ASIP: variants seen among roughly 807,000 people sequenced by gnomAD.
The protein encoded by ASIP is agouti signaling protein.
Under a neutral mutation model 10.3 loss-of-function variants are expected in ASIP, and 11 were observed. The ratio of observed to expected loss-of-function variants is 1.07; its 90% CI spans 0.68 to 1.78. The LOEUF is 1.78. ASIP is among the 40% of genes most tolerant of loss of function. The probability of loss-of-function intolerance (pLI) is 0.00; values close to 1 mark genes in which losing one functional copy is unlikely to be tolerated. For missense variants in ASIP, 180 were observed against 169.2 expected (o/e 1.06, Z -0.35); for synonymous variants, 70 against 70.8 (o/e 0.99, Z 0.06).
At chr20:34,218,067 AT>A (rs1185833853) in intron 1 of ASIP, among the ~76,000 whole-genome samples, 1 of 152,214 alleles carries the variant, frequency 6.6e-6, no homozygotes, top group Non-Finnish European at 1.5e-5. Flanking sequence ...TTTGTTCAGC[AT>A]TTGTAATTGT....
At chr20:34,219,584 T>C (rs1028877466) in intron 1 of ASIP, among the ~76,000 whole-genome samples, 1 of 152,244 alleles carries the variant, frequency 6.6e-6, no homozygotes, top group African/African-American at 2.4e-5. Context: ...TTGTTTACTC[T>C]TTCTCTCTCA....
At chr20:34,203,233 T>G (rs892586506) in intron 1 of ASIP, among the ~76,000 whole-genome samples, 3 of 152,170 alleles carry the variant, frequency 2.0e-5, no homozygotes, top group Admixed American at 6.5e-5. Context: ...CTTTACAATA[T>G]TAAATTTTTT....
intron 1 of ASIP, among the ~76,000 whole-genome samples, chr20:34,226,359 C>A (rs1458331828): frequency 6.7e-6 from 1 of 150,174 alleles, no homozygotes; most frequent in East Asian, 2.0e-4. Context: ...TTTTTTTTAA[C>A]TTTTTTATTT....
In ASIP at chr20:34,245,011, T is replaced by A. The variant is rs2035345492; in HGVS notation, c.-11+3522T>A. 2.6e-5 allele frequency among the ~76,000 whole-genome samples: 4 copies of A among 152,050 alleles called. No homozygotes were observed. The South Asian group carries it at 8.3e-4, about 32-fold the overall frequency. On this transcript the variant is annotated intron_variant, in intron 1 of 3. Coordinates refer to ENST00000374954, the MANE Select transcript of ASIP (RefSeq NM_001672.3). ...CAACAAAAATGCTCCACATAAAAAG[T>A]CTACCGGGTTTTTCAAAAAATAAAA...
At chr20:34,199,681 T>A (rs927616730) in intron 1 of ASIP, among the ~76,000 whole-genome samples, 1 of 152,234 alleles carries the variant, frequency 6.6e-6, no homozygotes, top group African/African-American at 2.4e-5. Flanking sequence ...TTTATTGACC[T>A]ATAAGAGTTC....
At chr20:34,201,624 T>A (rs948003011) in intron 1 of ASIP, among the ~76,000 whole-genome samples, 4 of 152,226 alleles carry the variant, frequency 2.6e-5, no homozygotes, top group African/African-American at 9.6e-5. Context: ...TTTGATAGAT[T>A]CGGGTGCGAG....
intron 1 of ASIP, among the ~76,000 whole-genome samples, chr20:34,216,264 C>G (rs983495229): frequency 6.6e-5 from 10 of 152,356 alleles, no homozygotes; most frequent in Admixed American, 2.6e-4. Context: ...CCGCCGCCGC[C>G]GTCGCCGCTG....
intron 1 of ASIP, among the ~76,000 whole-genome samples, chr20:34,235,786 G>GAAAGA (rs1356722931): frequency 3.3e-5 from 2 of 61,392 alleles, no homozygotes; most frequent in South Asian, 1.3e-3. Flanking sequence ...CTCTGAGAAA[G>GAAAGA]AAGAAAGAAA....
intron 1 of ASIP, among the ~76,000 whole-genome samples, chr20:34,199,012 T>A (rs758334031): frequency 4.6e-5 from 7 of 152,126 alleles, no homozygotes; most frequent in Admixed American, 1.3e-4. Context: ...GTTTGGGGGC[T>A]TTATATGTGT....
At chr20:34,190,431 C>A (rs547689173), upstream of ASIP, among the ~76,000 whole-genome samples, 2 of 152,332 alleles carry the variant, frequency 1.3e-5, no homozygotes, top group African/African-American at 4.8e-5. Flanking sequence ...GCCCTTGTCA[C>A]TATTCCCATT....
upstream of ASIP, among the ~76,000 whole-genome samples, chr20:34,190,493 T>C (rs750970334): frequency 2.0e-5 from 3 of 152,208 alleles, no homozygotes; most frequent in Non-Finnish European, 4.4e-5. Context: ...ACGTATATGA[T>C]AATAACACTC....
At chr20:34,209,439 C>A (rs1481688543) in intron 1 of ASIP, among the ~76,000 whole-genome samples, 1 of 152,230 alleles carries the variant, frequency 6.6e-6, no homozygotes, top group African/African-American at 2.4e-5. Context: ...GAACCCCACC[C>A]TCCTGGATGC....
intron 1 of ASIP, among the ~76,000 whole-genome samples, chr20:34,256,335 G>A (rs1304045044): frequency 6.6e-6 from 1 of 152,110 alleles, no homozygotes; most frequent in Non-Finnish European, 1.5e-5. Flanking sequence ...TGGTGGTAGT[G>A]GTCCCCCGGA....
intron 1 of ASIP, 147 bp from the exon 2 acceptor site, chr20:34,260,218 T>C: frequency 2.7e-6 from 2 of 743,036 alleles, no homozygotes; most frequent in Non-Finnish European, 4.4e-6. Context: ...CCCTTCCCCA[T>C]CCTAAGCCTT....
chr20:34,243,570 A>T (rs2035317025), intron 1 of ASIP, among the ~76,000 whole-genome samples: 1 of 152,130 alleles, frequency 6.6e-6, no homozygotes, highest in Non-Finnish European at 1.5e-5. Context: ...ACTGTGGAGC[A>T]CATGTTGATA....
intron 1 of ASIP, among the ~76,000 whole-genome samples, chr20:34,225,566 T>C (rs928731689): frequency 6.6e-6 from 1 of 152,112 alleles, no homozygotes; most frequent in African/African-American, 2.4e-5. Flanking sequence ...ACAAAAAAAA[T>C]TAAAATTACA....
intron 1 of ASIP, among the ~76,000 whole-genome samples, chr20:34,197,293 G>A (rs970490069): frequency 4.6e-5 from 7 of 152,084 alleles, no homozygotes; most frequent in Non-Finnish European, 7.4e-5. Flanking sequence ...CTCAGGAGGC[G>A]GGGGTTGCGG....
intron 1 of ASIP, among the ~76,000 whole-genome samples, chr20:34,254,570 C>T (rs1220391283): frequency 1.3e-5 from 2 of 152,156 alleles, no homozygotes; most frequent in Non-Finnish European, 2.9e-5. Flanking sequence ...AAACCCGTCC[C>T]GAATTGATGT....
At chr20:34,192,718 A>G (rs1035721962), upstream of ASIP, among the ~76,000 whole-genome samples, 4 of 152,072 alleles carry the variant, frequency 2.6e-5, no homozygotes, top group Non-Finnish European at 4.4e-5. Context: ...TGCTTACCTC[A>G]TACCTTGTTG....
Sources: allele counts gnomAD v4.1 joint callset (sites outside exome capture counted in the v4.1 genomes callset), GRCh38; gene constraint gnomAD v4.1.1; transcripts MANE v1.5; gene names NCBI Gene and HGNC (gene_info 2026-07-23, HGNC 2026-07-21).